Variants in SETD1B observed in about 807,000 individuals in gnomAD.
SETD1B encodes the protein SET domain containing 1B, histone lysine methyltransferase.
A neutral mutation model predicts 148.0 loss-of-function variants in SETD1B; 7 were observed. That is an observed-to-expected ratio of 0.05 (90% CI 0.03 to 0.09). The LOEUF is 0.09. SETD1B is among the 10% of genes least tolerant of loss of function. The pLI is 1.00. For missense variants in SETD1B, 2,155 were observed against 2,729.9 expected, an observed-to-expected ratio of 0.79 and a Z score of 4.69; for synonymous variants, 1,361 against 1,186.5, an observed-to-expected ratio of 1.15 and a Z score of -3.02.
At chr12:121,827,451 C>A in intron 13 of SETD1B, 68 bp from the exon 14 acceptor site, 2 of 1,458,394 alleles carry the variant, frequency 1.4e-6, no homozygotes, top group South Asian at 1.4e-5. Context: ...GACAGAGATC[C>A]AGAGCCTAGG....
In SETD1B at chr12:121,831,398, T is replaced by G. The variant is rs1042065022; in HGVS notation, c.*1159T>G. The G allele has an allele frequency of 2.7e-5, 4 of 145,908 alleles. No individual in the cohort carries two copies. The highest frequency in any genetic ancestry group is 1.9e-4 in the East Asian group (1 of 5,152). The allele number at this position is 145,908 out of a possible 1,614,324, so 9.0% of individuals were successfully genotyped here. On this transcript the variant is annotated 3_prime_UTR_variant, in exon 17 of 17. Transcript: ENST00000604567. ...AAAACACAAATCTAAGCCTTGACGG[T>G]TTTTTTTTCCCTTTTGACCCCCTTC...
At chr12:121,814,989 C>T (rs939049573) in intron 7 of SETD1B, 59 bp downstream of exon 7, 10 of 1,416,296 alleles carry the variant, frequency 7.1e-6, no homozygotes, top group Admixed American at 2.2e-5. Context: ...GGTCCCCAGC[C>T]GGGCACCTCC....
chr12:121,829,887 T>C (rs893080367), intron 16 of SETD1B, among the ~76,000 whole-genome samples, 179 bp from the exon 17 acceptor site: 1 of 152,030 alleles, frequency 6.6e-6, no homozygotes, highest in Non-Finnish European at 1.5e-5. Flanking sequence ...TTATTTAATA[T>C]CAGAGGCAAG....
intron 16 of SETD1B, among the ~76,000 whole-genome samples, chr12:121,828,778 C>T (rs929211711): frequency 2.0e-5 from 3 of 152,184 alleles, no homozygotes; most frequent in African/African-American, 7.2e-5. Flanking sequence ...GTTTCCTTGT[C>T]TGTAAAACAG....
At position 121,805,306 on chromosome 12, in the gene SETD1B, C is replaced by A; in HGVS notation, c.273+90C>A. The A allele has an allele frequency of 9.0e-7, 1 of 1,115,992 alleles. No individual in the cohort carries two copies. The highest frequency in any genetic ancestry group is 1.3e-6 in the Non-Finnish European group (1 of 768,758). The allele number at this position is 1,115,992 out of a possible 1,614,324, so 69.1% of individuals were successfully genotyped here. On this transcript the variant is annotated intron_variant, in intron 3 of 16. Transcript: ENST00000604567. The surrounding 1 kb of genome is among the most constrained non-coding windows in gnomAD (Gnocchi z 4.2). ...GTCCTGACCGAGCCCAGCCGGATTC[C>A]CAGTTCCCGCCGTCCGGGGCCAGGG...
the SETD1B span, chr12:121,793,039 G>A: frequency 7.6e-6 from 7 of 925,434 alleles, no homozygotes; most frequent in Non-Finnish European, 1.2e-5. Context: ...GTGAAGAGCC[G>A]GCCAAGGCCC....
upstream of SETD1B, chr12:121,799,736 T>TGGGGGGGGGGGG (rs1459030938): frequency 3.2e-5 from 1 of 30,934 alleles, no homozygotes; most frequent in Non-Finnish European, 6.9e-5. Context: ...GGGGGTGGGG[T>TGGGGGGGGGGGG]GGGGCGGGGC....
rs1175101193 is a variant in SETD1B, at chr12:121,823,146, C to T, written c.4567C>T (p.Arg1523Trp). The change falls in exon 12 of 17, where the codon CGG becomes TGG. Residue 1523 changes from arginine (R) to tryptophan (W), a missense_variant. Physicochemically the swap from Arg to Trp is moderately radical, Grantham distance 101 (BLOSUM62 -3). This residue lies in a region of SETD1B where 862 missense variants were observed against 873.8 expected (regional missense o/e 0.99). Coordinates refer to ENST00000604567, the MANE Select transcript of SETD1B (RefSeq NM_001353345.2). ...AATGAAGAGGAAGCCGGGCCGGCCC[C>T]GGCGATCCCCACCATCTATGCTCTC... The part of the protein sequence containing the change: ...PPMKRKPGRP[R>W]RSPPSMLSLD... 5 of 1,539,924 alleles carry T rather than the reference C, an allele frequency of 3.2e-6. No individual in the cohort carries two copies. The highest frequency in any genetic ancestry group is 4.4e-6 in the Non-Finnish European group (5 of 1,146,240).
chr12:121,817,709 C>A lies in SETD1B; in HGVS notation c.3312+5C>A. 6.5e-7 allele frequency: 1 copy of A among 1,542,358 alleles called. No homozygotes were observed. Among genetic ancestry groups the A allele is most frequent in the Non-Finnish European group, 8.8e-7 (1 of 1,140,126 alleles). ...ACCTCATCCACATCAGATAAGGTGCCTAGCAGGCCAGGAAGCCTCAGGGGG... is the reference window on the plus strand; with the variant it reads ...ACCTCATCCACATCAGATAAGGTGCATAGCAGGCCAGGAAGCCTCAGGGGG... On this transcript the variant is annotated splice_donor_5th_base_variant and intron_variant, in intron 9 of 16. Coordinates refer to ENST00000604567, the MANE Select transcript of SETD1B (RefSeq NM_001353345.2). This position sits in a 1 kb window ranked among gnomAD's most constrained non-coding sequence, Gnocchi z 8.1.
intron 11 of SETD1B, among the ~76,000 whole-genome samples, chr12:121,822,180 T>C (rs1468119696): frequency 1.3e-5 from 2 of 152,244 alleles, no homozygotes; most frequent in Admixed American, 6.5e-5. Context: ...AAGAGACTTG[T>C]TGAATTTTAT....
At position 121,819,418 on chromosome 12, in the gene SETD1B, A is replaced by T; in HGVS notation, c.3433A>T (p.Ile1145Phe). 6.4e-7 allele frequency: 1 copy of T among 1,551,936 alleles called. No homozygotes were observed. Among genetic ancestry groups the T allele is most frequent in the African/African-American group, 1.4e-5 (1 of 73,146 alleles). The stretch of plus-strand genomic sequence containing the variant: ...CCCCCATCCAGAGGAGACAGTGAGC[A>T]TTGTAACCTCCAAGGCCGAAGCCAC... ...GDSDEEETVS[I>F]VTSKAEATSS... The change falls in exon 11 of 17, where the codon ATT becomes TTT. Residue 1145 changes from isoleucine (I) to phenylalanine (F), a missense_variant. By Grantham distance (21) the Ile-to-Phe change is conservative (BLOSUM62 0). Around this residue, in one of 11 missense-constraint regions of SETD1B, gnomAD observed 862 missense variants for 873.8 expected, o/e 0.99. Transcript: ENST00000604567.
chr12:121,806,212 C>A, intron 4 of SETD1B, 107 bp downstream of exon 4: 1 of 1,183,478 alleles, frequency 8.4e-7, no homozygotes, highest in Non-Finnish European at 1.2e-6. Context: ...TCCTTGGGAT[C>A]CCCCCCCACA....
chr12:121,825,605 C>G (rs540898437), intron 13 of SETD1B, among the ~76,000 whole-genome samples: 75 of 152,034 alleles, frequency 4.9e-4, no homozygotes, highest in African/African-American at 1.6e-3. Flanking sequence ...TGTGACGGAG[C>G]TGTATTTCCG....
At position 121,820,042 on chromosome 12, in the gene SETD1B, C is replaced by T. The variant is rs1174512454; in HGVS notation, c.3910+147C>T. ...AACGAGATCAGCCGGTTGTGCCTCC[C>T]TCGAGCGAGATGAGGTGTTGGGTGC... On this transcript the variant is annotated intron_variant, in intron 11 of 16. Transcript: ENST00000604567. 5.7e-6 allele frequency: 4 copies of T among 705,288 alleles called. No homozygotes were observed. The African/African-American group carries it at 7.2e-5, about 13-fold the overall frequency. The allele number at this position is 705,288 out of a possible 1,614,324, so 43.7% of individuals were successfully genotyped here. A position where few individuals can be genotyped will look rare whatever the true frequency, so the allele number is the denominator to read the frequency against.
chr12:121,814,633 A>G lies in SETD1B; in HGVS notation c.2418A>G (p.Ser806=). Residue 806 remains serine, a synonymous_variant, in exon 7 of 17, where the codon TCA becomes TCG. Coordinates refer to ENST00000604567, the MANE Select transcript of SETD1B (RefSeq NM_001353345.2). The stretch of plus-strand genomic sequence containing the variant: ...TGGCCGCTGCGGCCGCCGCTGCCTC[A>G]GCTGGGCTCCAGTTTGTCAACCTGC... ...PFMAAAAAAA[S]AGLQFVNLPP... 6.5e-7 allele frequency: 1 copy of G among 1,546,210 alleles called. No homozygotes were observed. Among genetic ancestry groups the G allele is most frequent in the Non-Finnish European group, 8.7e-7 (1 of 1,144,396 alleles).
chr12:121,813,021 G>A (rs1177130158), intron 6 of SETD1B, among the ~76,000 whole-genome samples: 2 of 149,616 alleles, frequency 1.3e-5, no homozygotes, highest in East Asian at 3.9e-4. Flanking sequence ...AAAGCCCCAC[G>A]CCCATCCTTG....
chr12:121,830,303 G>A lies in SETD1B; in HGVS notation c.*64G>A, dbSNP rs1252834836. The A allele has an allele frequency of 6.8e-7, 1 of 1,475,932 alleles. No individual in the cohort carries two copies. Among genetic ancestry groups the A allele is most frequent in the Admixed American group, 2.2e-5 (1 of 46,128 alleles). The allele number at this position is 1,475,932 out of a possible 1,614,324, so 91.4% of individuals were successfully genotyped here. ...TGGGACTCCCGAGCGTGGAGCCCCT[G>A]GCCCCGGGGCCCGGCCCCCCGCGCC... On this transcript the variant is annotated 3_prime_UTR_variant, in exon 17 of 17. Coordinates refer to ENST00000604567, the MANE Select transcript of SETD1B (RefSeq NM_001353345.2). This position sits in a 1 kb window ranked among gnomAD's most constrained non-coding sequence, Gnocchi z 5.7.
At chr12:121,801,591 G>C (rs1423664898), upstream of SETD1B, 1 of 152,674 alleles carries the variant, frequency 6.5e-6, no homozygotes, top group African/African-American at 2.4e-5. Flanking sequence ...CCGGTGCCAT[G>C]GAGTCTAGAA....
Position 121,814,312 on chromosome 12 carries a change from G to A in SETD1B, c.2097G>A (p.Pro699=), listed in dbSNP as rs759646244. 53 of 557,586 alleles carry A rather than the reference G, an allele frequency of 9.5e-5. No individual in the cohort carries two copies. The highest frequency in any genetic ancestry group is 4.4e-4 in the East Asian group (2 of 4,570). The allele number at this position is 557,586 out of a possible 1,614,324, so 34.5% of individuals were successfully genotyped here. A position where few individuals can be genotyped will look rare whatever the true frequency, so the allele number is the denominator to read the frequency against. Residue 699 remains proline, a synonymous_variant, in exon 7 of 17, where the codon CCG becomes CCA. Coordinates refer to ENST00000604567, the MANE Select transcript of SETD1B (RefSeq NM_001353345.2). ...PLPPPPPPPP[P]QPGFPMPPPL... ...CCCCCCCACCACCACCACCCCCACC[G>A]CAGCCTGGCTTCCCCATGCCCCCAC... is the stretch of plus-strand genomic sequence containing the variant.
Sources: allele counts gnomAD v4.1 joint callset (sites outside exome capture counted in the v4.1 genomes callset), GRCh38; gene constraint gnomAD v4.1.1; regional missense constraint gnomAD v4.1.1; non-coding constraint Gnocchi (gnomAD v3.1); transcripts MANE v1.5; gene names NCBI Gene and HGNC (gene_info 2026-07-23, HGNC 2026-07-21).